Variants in SLC1A5 observed in about 807,000 individuals in gnomAD.
The protein encoded by SLC1A5 is neutral amino acid transporter B(0).
A neutral mutation model predicts 34.9 loss-of-function variants in SLC1A5; 25 were observed. The observed-to-expected ratio is 0.72, with a 90% CI of 0.52 to 1.00. The LOEUF is 1.00. Ranked by LOEUF, SLC1A5 falls within the 50% of genes least tolerant of loss-of-function variation. SLC1A5 has a pLI of 0.00. For synonymous variants in SLC1A5, 351 were observed against 341.2 expected, an observed-to-expected ratio of 1.03 and a Z score of -0.32; for missense variants, 637 against 740.0, an observed-to-expected ratio of 0.86 and a Z score of 1.61.
chr19:46,787,181 C>T lies in SLC1A5; in HGVS notation c.566+219G>A, dbSNP rs1284269872. 1.5e-6 allele frequency: 2 copies of T among 1,343,632 alleles called. No homozygotes were observed. The highest frequency in any genetic ancestry group is 1.5e-5 in the African/African-American group (1 of 65,104). 83.2% of individuals were successfully genotyped at this position (1,343,632 alleles called of 1,614,324 possible). A position where few individuals can be genotyped will look rare whatever the true frequency, so the allele number is the denominator to read the frequency against. On this transcript the variant is annotated intron_variant, in intron 1 of 7. Coordinates refer to ENST00000542575, the MANE Select transcript of SLC1A5 (RefSeq NM_005628.3). The surrounding 1 kb of genome is among the most constrained non-coding windows in gnomAD (Gnocchi z 5.2). ...ACTTTCTTCTCCCTCTATAAGACCC[C>T]ACTTATGTACCCAGGCCCCCAGATT...
Position 46,787,578 on chromosome 19 carries a change from A to G in SLC1A5, c.388T>C (p.Trp130Arg). 1 of 1,565,114 alleles carries G rather than the reference A, an allele frequency of 6.4e-7. No homozygotes were observed. The highest frequency in any genetic ancestry group is 8.6e-7 in the Non-Finnish European group (1 of 1,157,216). ...GTGACCAGGAAAAAGAGCAGCGCCCAGGCGCCCAGACGGCCGAGCGCGCCG... is the reference window on the plus strand; with the variant it reads ...GTGACCAGGAAAAAGAGCAGCGCCCGGGCGCCCAGACGGCCGAGCGCGCCG... Reference protein sequence around the residue: ...DPGALGRLGAWALLFFLVTTL... With the variant: ...DPGALGRLGARALLFFLVTTL... The change falls in exon 1 of 8, where the codon TGG becomes CGG. Residue 130 changes from tryptophan (W) to arginine (R), a missense_variant. Coordinates refer to ENST00000542575, the MANE Select transcript of SLC1A5 (RefSeq NM_005628.3). The surrounding 1 kb of genome is among the most constrained non-coding windows in gnomAD (Gnocchi z 5.2).
At position 46,784,697 on chromosome 19, in the gene SLC1A5, T is replaced by C. The variant is rs769944768; in HGVS notation, c.567-138A>G. 3.2e-6 allele frequency: 5 copies of C among 1,575,102 alleles called. No individual in the cohort carries two copies. Among genetic ancestry groups the C allele is most frequent in the African/African-American group, 2.7e-5 (2 of 74,092 alleles). Reference sequence around the variant, plus strand: ...TGCACGCAAATACAGCCCCTACTCATGCCTCAGCCCGGCAGGGTTGGAACT... The same window carrying C: ...TGCACGCAAATACAGCCCCTACTCACGCCTCAGCCCGGCAGGGTTGGAACT... On this transcript the variant is annotated intron_variant, in intron 1 of 7. Transcript: ENST00000542575.
Position 46,787,742 on chromosome 19 carries a change from G to T in SLC1A5, c.224C>A (p.Ala75Asp). 1.3e-6 allele frequency: 2 copies of T among 1,554,844 alleles called. No individual in the cohort carries two copies. Among genetic ancestry groups the T allele is most frequent in the Non-Finnish European group, 8.7e-7 (1 of 1,154,068 alleles). ...GVALGLGVSG[A>D]GGALALGPER... Reference sequence around the variant, plus strand: ...CGGGCCCAACGCCAGCGCACCCCCGGCCCCCGACACCCCCAGTCCCAGCGC... The same window carrying T: ...CGGGCCCAACGCCAGCGCACCCCCGTCCCCCGACACCCCCAGTCCCAGCGC... The change falls in exon 1 of 8, where the codon GCC (alanine) becomes GAC (aspartate). Residue 75 changes from alanine (A) to aspartate (D), a missense_variant. Transcript: ENST00000542575. This position sits in a 1 kb window ranked among gnomAD's most constrained non-coding sequence, Gnocchi z 5.2.
Position 46,788,278 on chromosome 19 carries a change from T to A in SLC1A5, c.-313A>T. On this transcript the variant is annotated 5_prime_UTR_variant, in exon 1 of 8. Coordinates refer to ENST00000542575, the MANE Select transcript of SLC1A5 (RefSeq NM_005628.3). ...CTGGGAATACGAGAGTTTCTCTGGGTGGGACGTGGGGCCCTTGGCTCCAGG... is the reference window on the plus strand; with the variant it reads ...CTGGGAATACGAGAGTTTCTCTGGGAGGGACGTGGGGCCCTTGGCTCCAGG... 1 of 342,640 alleles carries A rather than the reference T, an allele frequency of 2.9e-6. No homozygotes were observed. The highest frequency in any genetic ancestry group is 5.3e-6 in the Non-Finnish European group (1 of 189,402). 21.2% of individuals were successfully genotyped at this position (342,640 alleles called of 1,614,324 possible).
At chr19:46,781,076 G>A (rs77250729) in intron 4 of SLC1A5, among the ~76,000 whole-genome samples, 3,931 of 152,292 alleles carry the variant, frequency 0.026, 138 homozygotes, top group African/African-American at 0.085. Context: ...CTCTGCCCTT[G>A]AACATGATGT....
intron 1 of SLC1A5, among the ~76,000 whole-genome samples, chr19:46,786,676 A>C (rs1384196540): frequency 2.0e-5 from 3 of 152,112 alleles, no homozygotes; most frequent in Non-Finnish European, 4.4e-5. Context: ...CCCTCCTCAA[A>C]GTGGGGGAGG....
rs1338184879 is a variant in SLC1A5 at position 46,784,146 on chromosome 19, T to A, written c.610-2A>T. On this transcript the variant is annotated splice_acceptor_variant, in intron 2 of 7. Coordinates refer to ENST00000542575, the MANE Select transcript of SLC1A5 (RefSeq NM_005628.3). LOFTEE classifies it high-confidence loss of function. ...CCTCTCTTCATAGGTGGTAGAGTAC[T>A]GTAGGTGGGGTTGGGAAGAGTCAGT... is the stretch of plus-strand genomic sequence containing the variant. The A allele has an allele frequency of 2.5e-6, 4 of 1,612,520 alleles. No individual in the cohort carries two copies. The highest frequency in any genetic ancestry group is 3.4e-6 in the Non-Finnish European group (4 of 1,178,788).
At chr19:46,784,583 G>A (rs1429082494) in intron 1 of SLC1A5, 24 bp from the exon 2 acceptor site, 9 of 1,614,056 alleles carry the variant, frequency 5.6e-6, no homozygotes, top group Non-Finnish European at 7.6e-6. Context: ...CACACAGAGG[G>A]TTATTAGATA....
intron 3 of SLC1A5, among the ~76,000 whole-genome samples, chr19:46,783,147 G>A (rs1438480928): frequency 6.6e-6 from 1 of 152,162 alleles, no homozygotes; most frequent in African/African-American, 2.4e-5. Flanking sequence ...GTACTGCAGA[G>A]ATAGGGTCAC....
chr19:46,782,350 C>CCCCCCCCCCCCCCCACCAA, intron 4 of SLC1A5, 33 bp downstream of exon 4: 1 of 631,606 alleles, frequency 1.6e-6, no homozygotes, highest in Non-Finnish European at 2.8e-6. Context: ...CCTCCAACCC[C>CCCCCCCCCCCCCCCACCAA]ACCCACCCCC....
Position 46,787,445 on chromosome 19 carries a change from T to A in SLC1A5, c.521A>T (p.Asn174Ile), listed in dbSNP as rs773176560. 3.1e-6 allele frequency: 5 copies of A among 1,601,206 alleles called. No homozygotes were observed. The East Asian group carries it at 1.1e-4, about 36-fold the overall frequency. Residue 174 changes from asparagine (N) to isoleucine (I), a missense_variant, in exon 1 of 8, where the codon AAT becomes ATT. Asn to Ile is a moderately radical substitution (Grantham distance 149). Coordinates refer to ENST00000542575, the MANE Select transcript of SLC1A5 (RefSeq NM_005628.3). The surrounding 1 kb of genome is among the most constrained non-coding windows in gnomAD (Gnocchi z 5.2). ...ATCGAGCACCTCCTTGCTGGGGGCA[T>A]TTTCGGCACTGCCCGCGGCTCCCAC... ...ASVGAAGSAENAPSKEVLDSF... is the reference protein window; with the variant it reads ...ASVGAAGSAEIAPSKEVLDSF...
chr19:46,778,568 G>A lies in SLC1A5; in HGVS notation c.1058+107C>T, dbSNP rs999890971. On this transcript the variant is annotated intron_variant, in intron 5 of 7. Coordinates refer to ENST00000542575, the MANE Select transcript of SLC1A5 (RefSeq NM_005628.3). The stretch of plus-strand genomic sequence containing the variant: ...CAGGACCTTATGAGAATCTCCTGAA[G>A]TATGGCCCCTGTACCCAGATACAAT... The A allele has an allele frequency of 6.7e-6, 5 of 742,764 alleles. No individual in the cohort carries two copies. The African/African-American group carries it at 8.8e-5, about 13-fold the overall frequency. The allele number at this position is 742,764 out of a possible 1,614,324, so 46.0% of individuals were successfully genotyped here.
At chr19:46,782,354 C>CCCCCCCCCCCCCCCA in intron 4 of SLC1A5, 29 bp downstream of exon 4, 1 of 827,482 alleles carries the variant, frequency 1.2e-6, no homozygotes, top group Non-Finnish European at 1.9e-6. Context: ...CAACCCCACC[C>CCCCCCCCCCCCCCCA]ACCCCCAGCC....
In SLC1A5 at chr19:46,786,491, C is replaced by T. The variant is rs575987647; in HGVS notation, c.566+909G>A. Among the ~76,000 whole-genome samples, 279 of 152,342 alleles carry T rather than the reference C, an allele frequency of 1.8e-3. 1 individual carries two copies. The highest frequency in any genetic ancestry group is 6.3e-3 in the African/African-American group (262 of 41,582). On this transcript the variant is annotated intron_variant, in intron 1 of 7. Transcript: ENST00000542575. ...CAGAAGGTGCTCCCAGGCTTCAACT[C>T]GGGACACCAAGCCTGCCCCAGTCTC...
chr19:46,776,643 G>T, intron 7 of SLC1A5: 1 of 252,146 alleles, frequency 4.0e-6, no homozygotes, highest in African/African-American at 2.2e-5. Context: ...TCTTCTCCCC[G>T]TTTTACAGAT....
rs1184163192 is a variant in SLC1A5 at position 46,777,126 on chromosome 19, G to A, written c.1254-17C>T. On this transcript the variant is annotated splice_polypyrimidine_tract_variant and intron_variant, in intron 6 of 7. Transcript: ENST00000542575. ...GCCGTGACCCTGAGGGAGAAGGTGG[G>A]AGGTTAGGCAGATGCCTGTCTTGTG... The A allele has an allele frequency of 1.9e-6, 3 of 1,612,622 alleles. No individual in the cohort carries two copies. Among genetic ancestry groups the A allele is most frequent in the Non-Finnish European group, 2.5e-6 (3 of 1,179,212 alleles).
At position 46,782,528 on chromosome 19, in the gene SLC1A5, C is replaced by T. The variant is rs1465074016; in HGVS notation, c.679G>A (p.Glu227Lys). ...RVKVPVGQEV[E>K]GMNILGLVVF... ...ACCAAGCCCAGGATGTTCATCCCCT[C>T]CACCTCCTGCCCCACGGGCACCTGT... The change falls in exon 4 of 8, where the codon GAG becomes AAG. Residue 227 changes from glutamate to lysine, a missense_variant. Transcript: ENST00000542575. 6.2e-7 allele frequency: 1 copy of T among 1,614,048 alleles called. No homozygotes were observed.
chr19:46,782,342 T>TCCCCCCC, intron 4 of SLC1A5, 41 bp downstream of exon 4: 1 of 523,372 alleles, frequency 1.9e-6, no homozygotes, highest in Non-Finnish European at 3.5e-6. Flanking sequence ...AGACCGACCC[T>TCCCCCCC]CCAACCCCAC....
intron 4 of SLC1A5, among the ~76,000 whole-genome samples, chr19:46,781,826 A>G (rs2055148406): frequency 6.6e-6 from 1 of 152,148 alleles, no homozygotes; most frequent in African/African-American, 2.4e-5. Context: ...CCCAATAAAT[A>G]TTAGCTACTA....
Sources: allele counts gnomAD v4.1 joint callset (sites outside exome capture counted in the v4.1 genomes callset), GRCh38; gene constraint gnomAD v4.1.1; non-coding constraint Gnocchi (gnomAD v3.1); transcripts MANE v1.5; gene names NCBI Gene and HGNC (gene_info 2026-07-23, HGNC 2026-07-21).